VTA1: variants seen among roughly 807,000 people sequenced by gnomAD.
The protein encoded by VTA1 is vacuolar protein sorting-associated protein VTA1 homolog.
VTA1 carries 24 observed loss-of-function variants against 36.9 expected under a neutral mutation model. That is an observed-to-expected ratio of 0.65 (90% CI 0.47 to 0.91). The LOEUF (loss-of-function observed/expected upper bound fraction) is 0.91, where lower values mean the gene tolerates loss of function less well. VTA1 is among the 40% of genes least tolerant of loss of function. The pLI is 0.00. For synonymous variants in VTA1, 142 were observed against 130.2 expected (o/e 1.09, Z -0.62); for missense variants, 393 against 377.2 (o/e 1.04, Z -0.35).
At chr6:142,155,817 G>A (rs1778651515) in intron 1 of VTA1, among the ~76,000 whole-genome samples, 1 of 152,096 alleles carries the variant, frequency 6.6e-6, no homozygotes, top group African/African-American at 2.4e-5. Flanking sequence ...AAGTCTCCTA[G>A]TTTTAAGGTG....
At chr6:142,198,410 T>C in intron 5 of VTA1, 29 bp from the exon 6 acceptor site, 1 of 1,599,090 alleles carries the variant, frequency 6.3e-7, no homozygotes, top group South Asian at 1.1e-5. Flanking sequence ...AAATACCTAC[T>C]GTAACATTGT....
chr6:142,199,008 A>T (rs1026194109), intron 6 of VTA1, among the ~76,000 whole-genome samples: 2 of 152,034 alleles, frequency 1.3e-5, no homozygotes, highest in Non-Finnish European at 2.9e-5. Flanking sequence ...TGTGATATCT[A>T]GGTTTGTTTC....
chr6:142,148,406 A>G (rs1468573775), intron 1 of VTA1, among the ~76,000 whole-genome samples: 3 of 152,244 alleles, frequency 2.0e-5, no homozygotes, highest in Admixed American at 6.5e-5. Flanking sequence ...CCCAAATGTC[A>G]CCACTTCTGT....
chr6:142,212,052 TC>T (rs1467642260), intron 7 of VTA1, among the ~76,000 whole-genome samples: 4 of 152,184 alleles, frequency 2.6e-5, no homozygotes, highest in Non-Finnish European at 5.9e-5. Context: ...ACAGAAACTC[TC>T]ATTCATTGCT....
chr6:142,185,127 TCCTTTA>T (rs1166319911), intron 4 of VTA1, among the ~76,000 whole-genome samples: 8 of 152,168 alleles, frequency 5.3e-5, no homozygotes, highest in Non-Finnish European at 8.8e-5. Context: ...AAGTATCATT[TCCTTTA>T]CCTTATTCTG....
At position 142,169,678 on chromosome 6, in the gene VTA1, G is replaced by T; in HGVS notation, c.335+1G>T. 1 of 1,555,524 alleles carries T rather than the reference G, an allele frequency of 6.4e-7. No homozygotes were observed. On this transcript the variant is annotated splice_donor_variant, in intron 3 of 7. Coordinates refer to ENST00000367630, the MANE Select transcript of VTA1 (RefSeq NM_016485.5). LOFTEE classifies it high-confidence loss of function. ...AAGATCGTGCTGGACGATTTCACAA[G>T]TAAGTAAAGAGAAAAATAAAAATTA...
chr6:142,160,198 T>C (rs954302256), intron 1 of VTA1, among the ~76,000 whole-genome samples: 2 of 152,208 alleles, frequency 1.3e-5, no homozygotes, highest in Non-Finnish European at 2.9e-5. Context: ...AGGGTAGGTC[T>C]AAAGTAGCCT....
chr6:142,170,373 A>G lies in VTA1; in HGVS notation c.363A>G (p.Ala121=). ...ACATGATCAAGTCCTTCTATACTGCAAGTCTTTTGATAGATGTCATAACAG... is the reference window on the plus strand; with the variant it reads ...ACATGATCAAGTCCTTCTATACTGCGAGTCTTTTGATAGATGTCATAACAG... The part of the protein sequence containing the change: ...HKNMIKSFYT[A]SLLIDVITVF... The change falls in exon 4 of 8, where the codon GCA becomes GCG. Residue 121 remains alanine, a synonymous_variant. Transcript: ENST00000367630. The G allele has an allele frequency of 1.2e-6, 2 of 1,609,024 alleles. No individual in the cohort carries two copies. The highest frequency in any genetic ancestry group is 2.2e-5 in the South Asian group (2 of 90,394).
In VTA1 at chr6:142,147,383, T is replaced by C; in HGVS notation, c.96T>C (p.Pro32=). 6.2e-7 allele frequency: 1 copy of C among 1,614,118 alleles called. No homozygotes were observed. The highest frequency in any genetic ancestry group is 8.5e-7 in the Non-Finnish European group (1 of 1,179,990). Residue 32 remains proline (P), a synonymous_variant, in exon 1 of 8, where the codon CCT becomes CCC. Coordinates refer to ENST00000367630, the MANE Select transcript of VTA1 (RefSeq NM_016485.5). ...RTAQEHDKRD[P]VVAYYCRLYA... ...CTCAGGAGCATGACAAGCGAGACCC[T>C]GTGGTGGCTTATTACTGTGAGTCTT...
At chr6:142,154,592 C>G (rs1212894146) in intron 1 of VTA1, among the ~76,000 whole-genome samples, 1 of 152,078 alleles carries the variant, frequency 6.6e-6, no homozygotes, top group Non-Finnish European at 1.5e-5. Context: ...ATTGGCAACA[C>G]ATGAATAAGT....
At chr6:142,214,196 A>G (rs1775964476) in intron 7 of VTA1, among the ~76,000 whole-genome samples, 1 of 152,112 alleles carries the variant, frequency 6.6e-6, no homozygotes, top group South Asian at 2.1e-4. Context: ...CATCTCTCTC[A>G]ATTTCAAAAT....
intron 5 of VTA1, among the ~76,000 whole-genome samples, chr6:142,195,914 G>T (rs558821105): frequency 1.3e-5 from 2 of 151,946 alleles, no homozygotes; most frequent in African/African-American, 4.8e-5. Flanking sequence ...TCGGTATTTT[G>T]TAGTTTATCA....
intron 7 of VTA1, among the ~76,000 whole-genome samples, chr6:142,209,839 T>C (rs1408580681): frequency 6.6e-6 from 1 of 152,082 alleles, no homozygotes; most frequent in African/African-American, 2.4e-5. Context: ...CCCAAAGCAA[T>C]CTACAGATTC....
intron 7 of VTA1, among the ~76,000 whole-genome samples, chr6:142,213,778 G>A (rs183645705): frequency 1.5e-4 from 23 of 152,240 alleles, no homozygotes; most frequent in African/African-American, 5.5e-4. Flanking sequence ...GAGCAGCTGG[G>A]GTGCCATGTC....
rs1776140265 is a variant in VTA1 at position 142,223,146 on chromosome 6, C to T, written c.*4503C>T. On this transcript the variant is annotated 3_prime_UTR_variant, in exon 8 of 8. Coordinates refer to ENST00000367630, the MANE Select transcript of VTA1 (RefSeq NM_016485.5). ...ACCTAAATTTTTCTATTATCTGGGC[C>T]ATATGTTCCAATTGACAGTGCTAGG... 6.6e-6 allele frequency: 1 copy of T among 152,126 alleles called. No homozygotes were observed. Among genetic ancestry groups the T allele is most frequent in the African/African-American group, 2.4e-5 (1 of 41,424 alleles). 9.4% of individuals were successfully genotyped at this position (152,126 alleles called of 1,614,324 possible).
rs973568385 is a variant in VTA1, at chr6:142,220,726, A to G, written c.*2083A>G. 8 of 152,030 alleles carry G rather than the reference A, an allele frequency of 5.3e-5. No individual in the cohort carries two copies. The highest frequency in any genetic ancestry group is 4.6e-4 in the Admixed American group (7 of 15,244). The allele number at this position is 152,030 out of a possible 1,614,324, so 9.4% of individuals were successfully genotyped here. A position where few individuals can be genotyped will look rare whatever the true frequency, so the allele number is the denominator to read the frequency against. The stretch of plus-strand genomic sequence containing the variant: ...CAATGTTTGTTAACTTTGTATTTGT[A>G]TTTTTTCCTATAAAATCTTAAAATA... On this transcript the variant is annotated 3_prime_UTR_variant, in exon 8 of 8. Coordinates refer to ENST00000367630, the MANE Select transcript of VTA1 (RefSeq NM_016485.5).
intron 4 of VTA1, among the ~76,000 whole-genome samples, chr6:142,175,365 A>G (rs1775100085): frequency 6.6e-6 from 1 of 151,916 alleles, no homozygotes; most frequent in Non-Finnish European, 1.5e-5. Flanking sequence ...TTTGTAGACC[A>G]GGCTGCTCAC....
At chr6:142,158,086 G>GA (rs1778698414) in intron 1 of VTA1, among the ~76,000 whole-genome samples, 1 of 147,950 alleles carries the variant, frequency 6.8e-6, no homozygotes, top group Admixed American at 6.7e-5. Flanking sequence ...CAGTATAATT[G>GA]AAAATCTAAA....
At chr6:142,206,021 C>A (rs1191140495) in intron 7 of VTA1, among the ~76,000 whole-genome samples, 1 of 152,004 alleles carries the variant, frequency 6.6e-6, no homozygotes, top group Non-Finnish European at 1.5e-5. Flanking sequence ...ATATAAATAT[C>A]AACACTGACA....
Sources: allele counts gnomAD v4.1 joint callset (sites outside exome capture counted in the v4.1 genomes callset), GRCh38; gene constraint gnomAD v4.1.1; transcripts MANE v1.5; gene names NCBI Gene and HGNC (gene_info 2026-07-23, HGNC 2026-07-21).